The following PLXNC1 variants were observed in gnomAD, a reference collection of about 807,000 sequenced individuals.
The protein encoded by PLXNC1 is plexin-C1.
A neutral mutation model predicts 178.2 loss-of-function variants in PLXNC1; 75 were observed. The ratio of observed to expected loss-of-function variants is 0.42; its 90% confidence interval spans 0.35 to 0.51. PLXNC1 has a LOEUF of 0.51. Ranked by LOEUF, PLXNC1 falls within the 20% of genes least tolerant of loss-of-function variation. PLXNC1 has a pLI of 0.02. For missense variants in PLXNC1, 1,503 were observed against 1,984.4 expected, an observed-to-expected ratio of 0.76 and a Z score of 4.61; for synonymous variants, 790 against 779.9, an observed-to-expected ratio of 1.01 and a Z score of -0.22.
At chr12:94,169,774 T>G (rs2135941292) in intron 2 of PLXNC1, among the ~76,000 whole-genome samples, 1 of 152,340 alleles carries the variant, frequency 6.6e-6, no homozygotes, top group Admixed American at 6.5e-5. Flanking sequence ...GTTTGTTTTT[T>G]GCCCTTTGTA....
In PLXNC1 at chr12:94,148,783, C is replaced by G. The variant is rs1049079899; in HGVS notation, c.-189C>G. 6.6e-6 allele frequency: 1 copy of G among 151,786 alleles called. No homozygotes were observed. Among genetic ancestry groups the G allele is most frequent in the African/African-American group, 2.4e-5 (1 of 41,438 alleles). The allele number at this position is 151,786 out of a possible 1,614,324, so 9.4% of individuals were successfully genotyped here. On this transcript the variant is annotated 5_prime_UTR_variant, in exon 1 of 31. Transcript: ENST00000258526. The surrounding 1 kb of genome is among the most constrained non-coding windows in gnomAD (Gnocchi z 4.8). ...GCTGCCGCCACCGCCGCTGCACAGGCTGCCGGAGCGAGCCTGCCGCGCGCC... is the reference window on the plus strand; with the variant it reads ...GCTGCCGCCACCGCCGCTGCACAGGGTGCCGGAGCGAGCCTGCCGCGCGCC...
chr12:94,213,960 A>T (rs1178416282), intron 5 of PLXNC1, among the ~76,000 whole-genome samples: 4 of 150,186 alleles, frequency 2.7e-5, no homozygotes, highest in Admixed American at 1.3e-4. Flanking sequence ...TCCACCTCCC[A>T]GGTTCAAGCG....
At chr12:94,169,118 T>C (rs1011959933) in intron 1 of PLXNC1, 35 bp from the exon 2 acceptor site, 13 of 1,574,434 alleles carry the variant, frequency 8.3e-6, no homozygotes, top group Non-Finnish European at 1.1e-5. Flanking sequence ...TTAAAAATTA[T>C]TATTATTTTT....
chr12:94,295,444 T>G (rs1967813886), intron 24 of PLXNC1, among the ~76,000 whole-genome samples: 1 of 152,180 alleles, frequency 6.6e-6, no homozygotes, highest in South Asian at 2.1e-4. Context: ...GGTTTTTAGG[T>G]TTCAAAGATT....
chr12:94,179,582 A>G (rs1043879415), intron 2 of PLXNC1, among the ~76,000 whole-genome samples: 3 of 152,042 alleles, frequency 2.0e-5, no homozygotes, highest in Non-Finnish European at 4.4e-5. Flanking sequence ...CTCTACTAAA[A>G]ATACAAAAAT....
At chr12:94,258,091 C>G (rs1964904208) in intron 17 of PLXNC1, among the ~76,000 whole-genome samples, 1 of 152,172 alleles carries the variant, frequency 6.6e-6, no homozygotes, top group East Asian at 1.9e-4. Flanking sequence ...CGCGCCACTG[C>G]ACTCCTGCCC....
Position 94,209,720 on chromosome 12 carries a change from T to A in PLXNC1, c.1554+16T>A. ...TAAAGAAAAGGTAAGAGGAAAGATT[T>A]TAATTTGTCCTCGTTGTATTGTCTC... On this transcript the variant is annotated intron_variant, in intron 5 of 30. Coordinates refer to ENST00000258526, the MANE Select transcript of PLXNC1 (RefSeq NM_005761.3). 6.9e-7 allele frequency: 1 copy of A among 1,446,208 alleles called. No homozygotes were observed. The highest frequency in any genetic ancestry group is 9.7e-7 in the Non-Finnish European group (1 of 1,027,898). 89.6% of individuals were successfully genotyped at this position (1,446,208 alleles called of 1,614,324 possible).
chr12:94,294,134 C>T (rs10745682), intron 23 of PLXNC1, among the ~76,000 whole-genome samples: 66,765 of 151,980 alleles, frequency 0.44, 14,648 homozygotes, highest in East Asian at 0.54. Flanking sequence ...CTGACCTCTG[C>T]GAATTGGGGG....
intron 5 of PLXNC1, among the ~76,000 whole-genome samples, chr12:94,212,041 G>A (rs903134344): frequency 2.0e-5 from 3 of 151,984 alleles, no homozygotes; most frequent in East Asian, 1.9e-4. Flanking sequence ...TTGGGAGGCC[G>A]AGGCGGGCGG....
At chr12:94,242,950 C>T (rs1222339800) in intron 11 of PLXNC1, among the ~76,000 whole-genome samples, 2 of 152,234 alleles carry the variant, frequency 1.3e-5, no homozygotes, top group African/African-American at 4.8e-5. Context: ...AAGTAAGAGG[C>T]TCCCTACTGT....
At chr12:94,277,957 C>G (rs763097590) in intron 21 of PLXNC1, 4 of 455,944 alleles carry the variant, frequency 8.8e-6, no homozygotes, top group Non-Finnish European at 1.8e-5. Context: ...CATCTCTCCC[C>G]TGAGCCCTAG....
At chr12:94,169,411 C>T in intron 2 of PLXNC1, 118 bp downstream of exon 2, 1 of 794,416 alleles carries the variant, frequency 1.3e-6, no homozygotes, top group Non-Finnish European at 2.1e-6. Flanking sequence ...ACTTCATGAA[C>T]TCCTTAAAGA....
chr12:94,203,910 G>T (rs1312351213), intron 4 of PLXNC1, among the ~76,000 whole-genome samples: 3 of 152,170 alleles, frequency 2.0e-5, no homozygotes, highest in Non-Finnish European at 4.4e-5. Flanking sequence ...TTTGTGAATG[G>T]ATTAATGCCA....
Position 94,186,616 on chromosome 12 carries a change from C to T in PLXNC1, c.1439+143C>T, listed in dbSNP as rs551116899. On this transcript the variant is annotated intron_variant, in intron 4 of 30. Coordinates refer to ENST00000258526, the MANE Select transcript of PLXNC1 (RefSeq NM_005761.3). Reference sequence around the variant, plus strand: ...TCGACTAAAATCTTGTTGTGCAATCCTAATGAATTCTCGAAGGTGTTTCCA... The same window carrying T: ...TCGACTAAAATCTTGTTGTGCAATCTTAATGAATTCTCGAAGGTGTTTCCA... 12 of 616,866 alleles carry T rather than the reference C, an allele frequency of 1.9e-5. No homozygotes were observed. The East Asian group carries it at 3.5e-4, about 18-fold the overall frequency. The allele number at this position is 616,866 out of a possible 1,614,324, so 38.2% of individuals were successfully genotyped here.
At position 94,297,365 on chromosome 12, in the gene PLXNC1, G is replaced by A; in HGVS notation, c.4016G>A (p.Arg1339Gln). Residue 1339 changes from arginine (R) to glutamine (Q), a missense_variant, in exon 26 of 31, where the codon CGA (arginine) becomes CAA (glutamine). Transcript: ENST00000258526. ...CAAGATGTGCAAGGAAAGAGACATC[G>A]AGGGAAGCACAAGTTCAAAGTAAAA... ...AFQDVQGKRH[R>Q]GKHKFKVKEM... is the part of the protein sequence containing the mutation. The A allele has an allele frequency of 6.2e-7, 1 of 1,613,972 alleles. No homozygotes were observed.
intron 10 of PLXNC1, among the ~76,000 whole-genome samples, chr12:94,238,953 T>C (rs150528237): frequency 1.1e-4 from 16 of 152,352 alleles, no homozygotes; most frequent in African/African-American, 3.8e-4. Context: ...AATACCTTAT[T>C]GCAAAAATCT....
chr12:94,262,628 G>A, intron 20 of PLXNC1: 2 of 985,430 alleles, frequency 2.0e-6, no homozygotes, highest in Non-Finnish European at 2.4e-6. Context: ...CACTTTCAGT[G>A]GAATAATTCC....
chr12:94,149,321 C>T lies in PLXNC1; in HGVS notation c.350C>T (p.Ala117Val), dbSNP rs1357452652. 6.9e-7 allele frequency: 1 copy of T among 1,447,154 alleles called. No homozygotes were observed. Among genetic ancestry groups the T allele is most frequent in the Non-Finnish European group, 9.0e-7 (1 of 1,109,322 alleles). The allele number at this position is 1,447,154 out of a possible 1,614,324, so 89.6% of individuals were successfully genotyped here. ...CTGCTGCCCTACCGCGAGGGGGCGGCCGGCCTCGGGGGGCTGCTGCTCACC... is the reference window on the plus strand; with the variant it reads ...CTGCTGCCCTACCGCGAGGGGGCGGTCGGCCTCGGGGGGCTGCTGCTCACC... ...KLLLPYREGA[A>V]GLGGLLLTGW... Residue 117 changes from alanine (A) to valine (V), a missense_variant, in exon 1 of 31, where the codon GCC becomes GTC. Physicochemically the swap from Ala to Val is moderately conservative, Grantham distance 64. Transcript: ENST00000258526.
intron 20 of PLXNC1, chr12:94,262,863 C>G: frequency 1.2e-6 from 1 of 812,756 alleles, no homozygotes; most frequent in Non-Finnish European, 1.5e-6. Flanking sequence ...CCTATCTTTT[C>G]TCATTTCATC....
Sources: gnomAD v4.1 joint callset for allele counts (sites outside exome capture counted in the v4.1 genomes callset) on GRCh38, gnomAD v4.1.1 for gene constraint, Gnocchi (gnomAD v3.1) non-coding constraint, MANE v1.5 for transcripts, NCBI Gene and HGNC (gene_info 2026-07-23, HGNC 2026-07-21) for gene names.